The following LRIG2 variants were observed in gnomAD, a reference collection of about 807,000 sequenced individuals.
LRIG2 encodes leucine rich repeats and immunoglobulin like domains 2.
In LRIG2, 93 loss-of-function variants were observed where a neutral mutation model predicts 107.8. The ratio of observed to expected loss-of-function variants is 0.86; its 90% CI spans 0.73 to 1.03. The LOEUF is 1.03. Among genes scored for constraint, LRIG2 ranks in the 50% least tolerant of loss-of-function variants. The pLI is 0.00. For missense variants in LRIG2, 1,226 were observed against 1,296.0 expected (o/e 0.95, Z 0.83); for synonymous variants, 471 against 470.6 (o/e 1.00, Z -0.01).
At chr1:113,103,064 G>A (rs1431230658) in intron 11 of LRIG2, 1 of 151,568 alleles carries the variant, frequency 6.6e-6, no homozygotes, top group Non-Finnish European at 1.5e-5. Context: ...ACTGTTACAA[G>A]AACTCAGTTT....
intron 1 of LRIG2, among the ~76,000 whole-genome samples, chr1:113,090,854 AAT>A (rs1653783749): frequency 6.7e-6 from 1 of 149,588 alleles, no homozygotes; most frequent in African/African-American, 2.5e-5. Flanking sequence ...AAAACAAAAA[AAT>A]TTTTTTTTTT....
rs770595215 is a variant in LRIG2 at position 113,114,720 on chromosome 1, T to A, written c.2374T>A (p.Ser792Thr). The A allele has an allele frequency of 1.2e-6, 2 of 1,614,190 alleles. No individual in the cohort carries two copies. Among genetic ancestry groups the A allele is most frequent in the South Asian group, 2.2e-5 (2 of 91,082 alleles). The change falls in exon 15 of 18, where the codon TCC (serine) becomes ACC (threonine). Residue 792 changes from serine (S) to threonine (T), a missense_variant. Coordinates refer to ENST00000361127, the MANE Select transcript of LRIG2 (RefSeq NM_014813.3). The part of the protein sequence containing the change: ...NVISSPNCDS[S>T]QSSIGHEDDG... ...CATTTCATCCCCCAATTGTGACTCT[T>A]CCCAGAGTAGCATTGGGCATGAAGA...
At chr1:113,093,307 T>C in intron 3 of LRIG2, 27 bp downstream of exon 3, 2 of 1,555,938 alleles carry the variant, frequency 1.3e-6, no homozygotes, top group Non-Finnish European at 1.7e-6. Flanking sequence ...TCAGGTTTTT[T>C]ACTTAAATTA....
intron 2 of LRIG2, among the ~76,000 whole-genome samples, chr1:113,092,012 T>C (rs940210166): frequency 4.6e-5 from 7 of 152,224 alleles, no homozygotes; most frequent in Admixed American, 6.5e-5. Flanking sequence ...CTTTCCTTTT[T>C]AATTCTTTGC....
rs564633487 is a variant in LRIG2, at chr1:113,076,943, ACTT to A, written c.239+3302_239+3304del. Among the ~76,000 whole-genome samples the A allele has an allele frequency of 9.3e-4, 141 of 152,230 alleles. 5 individuals are homozygous for A. The South Asian group carries it at 0.029, about 31-fold the overall frequency. Reference sequence around the variant, plus strand: ...ATTGAAAGACTAGGTTTATGACTCAACTTCTTATTTTGCAAAGTAACTTTGTTA... The same window carrying A: ...ATTGAAAGACTAGGTTTATGACTCAACTTATTTTGCAAAGTAACTTTGTTA... On this transcript the variant is annotated intron_variant, in intron 1 of 17. Transcript: ENST00000361127.
chr1:113,098,649 A>G lies in LRIG2; in HGVS notation c.1092-56A>G, dbSNP rs1654169541. The G allele has an allele frequency of 6.8e-6, 7 of 1,030,754 alleles. No individual in the cohort carries two copies. The East Asian group carries it at 1.4e-4, about 21-fold the overall frequency. 63.9% of individuals were successfully genotyped at this position (1,030,754 alleles called of 1,614,324 possible). ...CATCACCATACCAGGATACTGCTCA[A>G]TGTTGTGATGGTTGTATTGACTAAT... is the stretch of plus-strand genomic sequence containing the variant. On this transcript the variant is annotated intron_variant, in intron 8 of 17. Coordinates refer to ENST00000361127, the MANE Select transcript of LRIG2 (RefSeq NM_014813.3).
rs951530212 is a variant in LRIG2 at position 113,125,206 on chromosome 1, G to A, written c.*1105G>A. 3 of 152,098 alleles carry A rather than the reference G, an allele frequency of 2.0e-5. No homozygotes were observed. Among genetic ancestry groups the A allele is most frequent in the Non-Finnish European group, 4.4e-5 (3 of 67,998 alleles). 9.4% of individuals were successfully genotyped at this position (152,098 alleles called of 1,614,324 possible). On this transcript the variant is annotated 3_prime_UTR_variant, in exon 18 of 18. Coordinates refer to ENST00000361127, the MANE Select transcript of LRIG2 (RefSeq NM_014813.3). ...AATAAAAAGTTTTAAAAACTTACTT[G>A]TTAAGAAGTGTATCTATAGAGGCAG...
intron 11 of LRIG2, among the ~76,000 whole-genome samples, chr1:113,105,095 G>A (rs1654478480): frequency 6.6e-6 from 1 of 152,008 alleles, no homozygotes; most frequent in African/African-American, 2.4e-5. Context: ...GCGGTGAGCT[G>A]AGATCTCACC....
rs769087766 is a variant in LRIG2 at position 113,132,133 on chromosome 1, C to T, written c.*8032C>T. On this transcript the variant is annotated 3_prime_UTR_variant, in exon 18 of 18. Coordinates refer to ENST00000361127, the MANE Select transcript of LRIG2 (RefSeq NM_014813.3). ...CAGAGATACAAGCCAAGTCATTGTT[C>T]AGTGTAGTCATTTCTTAGTATCTGT... is the stretch of plus-strand genomic sequence containing the variant. 1.3e-5 allele frequency: 2 copies of T among 151,392 alleles called. No homozygotes were observed. The highest frequency in any genetic ancestry group is 2.9e-5 in the Non-Finnish European group (2 of 67,914). 9.4% of individuals were successfully genotyped at this position (151,392 alleles called of 1,614,324 possible). A position where few individuals can be genotyped will look rare whatever the true frequency, so the allele number is the denominator to read the frequency against.
rs747017054 is a variant in LRIG2, at chr1:113,093,479, C to T, written c.430C>T (p.Pro144Ser). 1 of 1,612,466 alleles carries T rather than the reference C, an allele frequency of 6.2e-7. No individual in the cohort carries two copies. Residue 144 changes from proline (P) to serine (S), a missense_variant, in exon 4 of 18, where the codon CCT becomes TCT. Transcript: ENST00000361127. ...AAATGCACAGGCACTCCAGTTTTAC[C>T]CTGCTCTGGAGAGTTTAGACCTCAG... is the stretch of plus-strand genomic sequence containing the variant. Reference protein sequence around the residue: ...EINAQALQFYPALESLDLSSN... With the variant: ...EINAQALQFYSALESLDLSSN...
Position 113,125,064 on chromosome 1 carries a change from GC to G in LRIG2, c.*964del, listed in dbSNP as rs1319013070. ...TGCTGTAGTCCTAGCTACTTGGGAG[GC>G]TGAGGTGGGAGGGTCACTTGAGCCC... On this transcript the variant is annotated 3_prime_UTR_variant, in exon 18 of 18. Coordinates refer to ENST00000361127, the MANE Select transcript of LRIG2 (RefSeq NM_014813.3). 1 of 152,186 alleles carries G rather than the reference GC, an allele frequency of 6.6e-6. No individual in the cohort carries two copies. The highest frequency in any genetic ancestry group is 2.4e-5 in the African/African-American group (1 of 41,428). The allele number at this position is 152,186 out of a possible 1,614,324, so 9.4% of individuals were successfully genotyped here. A position where few individuals can be genotyped will look rare whatever the true frequency, so the allele number is the denominator to read the frequency against.
intron 1 of LRIG2, among the ~76,000 whole-genome samples, chr1:113,078,831 G>C (rs1252903547): frequency 1.3e-5 from 2 of 151,526 alleles, no homozygotes; most frequent in Non-Finnish European, 2.9e-5. Flanking sequence ...GTAGAGATGG[G>C]GTTTCTTCAT....
intron 17 of LRIG2, 99 bp from the exon 18 acceptor site, chr1:113,123,776 A>C: frequency 1.2e-6 from 1 of 802,886 alleles, no homozygotes; most frequent in Non-Finnish European, 2.0e-6. Flanking sequence ...CAGTGTCCCT[A>C]TTCAGGAATA....
rs1655677879 is a variant in LRIG2, at chr1:113,130,713, C to CTAAG, written c.*6614_*6617dup. ...TGATAGTCTTAAAACTTTGTCCTTTCTAAGTCCTTTGTATTCATTTTAGAG... is the reference window on the plus strand; with the variant it reads ...TGATAGTCTTAAAACTTTGTCCTTTCTAAGTAAGTCCTTTGTATTCATTTTAGAG... On this transcript the variant is annotated 3_prime_UTR_variant, in exon 18 of 18. Transcript: ENST00000361127. 6.6e-6 allele frequency: 1 copy of CTAAG among 152,130 alleles called. No individual in the cohort carries two copies. The highest frequency in any genetic ancestry group is 1.5e-5 in the Non-Finnish European group (1 of 68,026). The allele number at this position is 152,130 out of a possible 1,614,324, so 9.4% of individuals were successfully genotyped here. A position where few individuals can be genotyped will look rare whatever the true frequency, so the allele number is the denominator to read the frequency against.
chr1:113,088,207 A>G (rs1474414956), intron 1 of LRIG2, among the ~76,000 whole-genome samples: 2 of 152,198 alleles, frequency 1.3e-5, no homozygotes, highest in African/African-American at 4.8e-5. Flanking sequence ...GCTCTGACCT[A>G]TAATGGCTGT....
chr1:113,096,233 A>G lies in LRIG2; in HGVS notation c.959A>G (p.Tyr320Cys). The G allele has an allele frequency of 6.2e-7, 1 of 1,613,708 alleles. No homozygotes were observed. Among genetic ancestry groups the G allele is most frequent in the Non-Finnish European group, 8.5e-7 (1 of 1,179,942 alleles). The change falls in exon 8 of 18, where the codon TAT becomes TGT. Residue 320 changes from tyrosine (Y) to cysteine (C), a missense_variant. Tyr to Cys is a radical substitution (Grantham distance 194, BLOSUM62 -2). Around this residue, in one of 3 missense-constraint regions of LRIG2, gnomAD observed 570 missense variants for 550.2 expected, o/e 1.04. Coordinates refer to ENST00000361127, the MANE Select transcript of LRIG2 (RefSeq NM_014813.3). ...TTTCTTGTTTTCAGTGATTTGTCCT[A>G]TAACCAGCTGACCCGCCTGGATGAA... ...CQRLSELDLS[Y>C]NQLTRLDESA...
chr1:113,095,422 G>A (rs1005040698), intron 6 of LRIG2, among the ~76,000 whole-genome samples: 5 of 151,088 alleles, frequency 3.3e-5, no homozygotes, highest in East Asian at 2.0e-4. Flanking sequence ...TTTTGTTGTC[G>A]TTGTTGAGAT....
intron 7 of LRIG2, 65 bp from the exon 8 acceptor site, chr1:113,096,157 T>C: frequency 6.3e-7 from 1 of 1,586,490 alleles, no homozygotes; most frequent in Non-Finnish European, 8.6e-7. Context: ...CATGTAGATA[T>C]AATAAGAATT....
At position 113,073,381 on chromosome 1, in the gene LRIG2, A is replaced by G; in HGVS notation, c.-26A>G. ...TCCTTTTCTAGCAGGCAGCTCTTCT[A>G]GGCCACGTCCAGGTCGAGGGGGAAA... is the stretch of plus-strand genomic sequence containing the variant. On this transcript the variant is annotated 5_prime_UTR_variant, in exon 1 of 18. Coordinates refer to ENST00000361127, the MANE Select transcript of LRIG2 (RefSeq NM_014813.3). The G allele has an allele frequency of 6.3e-7, 1 of 1,588,498 alleles. No individual in the cohort carries two copies. Among genetic ancestry groups the G allele is most frequent in the Middle Eastern group, 1.7e-4 (1 of 5,990 alleles).
Sources: gnomAD v4.1 joint callset for allele counts (sites outside exome capture counted in the v4.1 genomes callset) on GRCh38, gnomAD v4.1.1 for gene constraint, gnomAD v4.1.1 regional missense constraint, MANE v1.5 for transcripts, NCBI Gene and HGNC (gene_info 2026-07-23, HGNC 2026-07-21) for gene names.